Variants in PLBD1 observed in about 807,000 individuals in gnomAD.
PLBD1 encodes the protein lysosomal leucine aminopeptidase.
A neutral mutation model predicts 63.0 loss-of-function variants in PLBD1; 60 were observed. That is an observed-to-expected ratio of 0.95 (90% CI 0.77 to 1.18). PLBD1 has a LOEUF of 1.18. PLBD1 is among the 50% of genes most tolerant of loss of function. The probability of loss-of-function intolerance (pLI) is 0.00; values close to 1 mark genes in which losing one functional copy is unlikely to be tolerated. For synonymous variants in PLBD1, 262 were observed against 248.0 expected (o/e 1.06, Z -0.53); for missense variants, 598 against 677.9 (o/e 0.88, Z 1.31).
chr12:14,556,927 T>TGAGCC (rs1945710281), intron 1 of PLBD1, among the ~76,000 whole-genome samples: 1 of 138,224 alleles, frequency 7.2e-6, no homozygotes, highest in African/African-American at 2.7e-5. Context: ...GAGGTTGCAG[T>TGAGCC]GAGCCGAGAT....
chr12:14,554,651 C>G (rs1166872652), intron 1 of PLBD1, among the ~76,000 whole-genome samples: 1 of 152,000 alleles, frequency 6.6e-6, no homozygotes, highest in Non-Finnish European at 1.5e-5. Context: ...GCAGTCTGCT[C>G]TCCACCTCCA....
At chr12:14,563,746 A>G (rs1945760580) in intron 1 of PLBD1, among the ~76,000 whole-genome samples, 1 of 150,810 alleles carries the variant, frequency 6.6e-6, no homozygotes, top group Non-Finnish European at 1.5e-5. Context: ...CATATAGAGA[A>G]AATAACTGAC....
rs564085939 is a variant in PLBD1 at position 14,567,526 on chromosome 12, A to G, written c.115+56T>C. The G allele has an allele frequency of 5.5e-5, 78 of 1,429,484 alleles. No homozygotes were observed. In the African/African-American group the frequency reaches 9.7e-4, roughly 18 times the overall value. 88.6% of individuals were successfully genotyped at this position (1,429,484 alleles called of 1,614,324 possible). On this transcript the variant is annotated intron_variant, in intron 1 of 10. Transcript: ENST00000240617. ...CGGCCGGACGCGGGGCACGGGCGCT[A>G]ACAGGCTCCTAGGAGCCTCCCCGGG...
intron 6 of PLBD1, among the ~76,000 whole-genome samples, chr12:14,530,567 G>A (rs1945451646): frequency 6.6e-6 from 1 of 152,208 alleles, no homozygotes; most frequent in Non-Finnish European, 1.5e-5. Context: ...TTAAAGGTAT[G>A]TAAGACCTAA....
chr12:14,532,503 C>T (rs981542210), intron 6 of PLBD1, among the ~76,000 whole-genome samples: 1 of 152,068 alleles, frequency 6.6e-6, no homozygotes, highest in South Asian at 2.1e-4. Flanking sequence ...ATGAGAGTCA[C>T]CCCAGGTCAT....
At chr12:14,567,469 C>G in intron 1 of PLBD1, 113 bp downstream of exon 1, 1 of 1,352,838 alleles carries the variant, frequency 7.4e-7, no homozygotes, top group Admixed American at 3.9e-5. Flanking sequence ...TCTGAGTTCA[C>G]CCAGGAACCA....
At chr12:14,511,186 ATGTGC>A in intron 8 of PLBD1, 69 bp downstream of exon 8, 5 of 1,377,436 alleles carry the variant, frequency 3.6e-6, no homozygotes, top group Non-Finnish European at 4.9e-6. Context: ...CATTCACACA[ATGTGC>A]ATTCCCCTAC....
intron 8 of PLBD1, 96 bp downstream of exon 8, chr12:14,511,164 T>G: frequency 3.1e-5 from 17 of 540,848 alleles, no homozygotes; most frequent in Non-Finnish European, 5.2e-5. Context: ...CACCATACCC[T>G]CCCCCACCAC....
At chr12:14,549,751 C>A (rs1007919798) in intron 2 of PLBD1, among the ~76,000 whole-genome samples, 1 of 152,146 alleles carries the variant, frequency 6.6e-6, no homozygotes, top group Non-Finnish European at 1.5e-5. Context: ...TCACTGCAAC[C>A]TCCGCCTCCT....
At position 14,562,483 on chromosome 12, in the gene PLBD1, T is replaced by C. The variant is rs566101688; in HGVS notation, c.115+5099A>G. ...TCAAAAAAAAAAAAAAAAAAAAGACTGTAACTGAACATGATTATGTTATCT... is the reference window on the plus strand; with the variant it reads ...TCAAAAAAAAAAAAAAAAAAAAGACCGTAACTGAACATGATTATGTTATCT... On this transcript the variant is annotated intron_variant, in intron 1 of 10. Transcript: ENST00000240617. Among the ~76,000 whole-genome samples, 7 of 142,074 alleles carry C rather than the reference T, an allele frequency of 4.9e-5. No homozygotes were observed. In the South Asian group the frequency reaches 1.6e-3, roughly 32 times the overall value. 93.2% of individuals were successfully genotyped at this position (142,074 alleles called of 152,430 possible). A position where few individuals can be genotyped will look rare whatever the true frequency, so the allele number is the denominator to read the frequency against.
Position 14,506,155 on chromosome 12 carries a change from AT to A in PLBD1, c.1479+6del. 6.3e-7 allele frequency: 1 copy of A among 1,584,872 alleles called. No homozygotes were observed. The highest frequency in any genetic ancestry group is 8.6e-7 in the Non-Finnish European group (1 of 1,157,302). ...GGAATTAAATTCAAAAGCCAATAGC[AT>A]GTTACCTTTGTGTCATAACAACCTC... On this transcript the variant is annotated splice_donor_region_variant and intron_variant, in intron 10 of 10. Coordinates refer to ENST00000240617, the MANE Select transcript of PLBD1 (RefSeq NM_024829.6).
intron 6 of PLBD1, chr12:14,531,094 C>T (rs990688185): frequency 6.6e-6 from 1 of 152,104 alleles, no homozygotes; most frequent in Non-Finnish European, 1.5e-5. Flanking sequence ...AAAAATTCAT[C>T]AGTACATGTG....
intron 1 of PLBD1, among the ~76,000 whole-genome samples, chr12:14,566,717 T>C (rs974497128): frequency 6.6e-6 from 1 of 151,982 alleles, no homozygotes; most frequent in African/African-American, 2.4e-5. Context: ...GTGTTATCTT[T>C]ATGCGAATTA....
At chr12:14,550,367 A>C (rs180719017) in intron 2 of PLBD1, among the ~76,000 whole-genome samples, 8 of 152,376 alleles carry the variant, frequency 5.3e-5, no homozygotes, top group African/African-American at 1.9e-4. Context: ...AGATGCTCAA[A>C]GCCTGCATCA....
chr12:14,540,730 C>G (rs1049559038), intron 4 of PLBD1, 34 bp downstream of exon 4: 2 of 1,532,624 alleles, frequency 1.3e-6, no homozygotes, highest in African/African-American at 1.4e-5. Context: ...TTACCATACT[C>G]TATAAATTCT....
At chr12:14,545,023 C>T (rs1945606816) in intron 2 of PLBD1, among the ~76,000 whole-genome samples, 1 of 151,930 alleles carries the variant, frequency 6.6e-6, no homozygotes, top group Admixed American at 6.6e-5. Flanking sequence ...CTCTCTCCCT[C>T]TCTCCCTCCC....
At chr12:14,532,629 A>C (rs1278700111) in intron 6 of PLBD1, among the ~76,000 whole-genome samples, 2 of 152,138 alleles carry the variant, frequency 1.3e-5, no homozygotes, top group East Asian at 3.9e-4. Flanking sequence ...TGAGTCCCAG[A>C]GCTCCTTAGG....
chr12:14,523,358 T>A (rs924715079), intron 6 of PLBD1, among the ~76,000 whole-genome samples: 1 of 152,082 alleles, frequency 6.6e-6, no homozygotes, highest in Non-Finnish European at 1.5e-5. Flanking sequence ...GGAAAGATAT[T>A]CCATGTTTAC....
At position 14,567,673 on chromosome 12, in the gene PLBD1, C is replaced by A; in HGVS notation, c.24G>T (p.Gly8=). 6.8e-7 allele frequency: 1 copy of A among 1,473,320 alleles called. No individual in the cohort carries two copies. Among genetic ancestry groups the A allele is most frequent in the Admixed American group, 2.5e-5 (1 of 39,892 alleles). 91.3% of individuals were successfully genotyped at this position (1,473,320 alleles called of 1,614,324 possible). A position where few individuals can be genotyped will look rare whatever the true frequency, so the allele number is the denominator to read the frequency against. The change falls in exon 1 of 11, where the codon GGG becomes GGT. Residue 8 remains glycine (G), a synonymous_variant. Transcript: ENST00000240617. The part of the protein sequence containing the change: MTRGGPG[G]RPGLPQPPPL... ...GTGGCGGCTGTGGCAGCCCCGGGCG[C>A]CCGCCCGGACCGCCGCGGGTCATCG...
Sources: gnomAD v4.1 joint callset for allele counts (sites outside exome capture counted in the v4.1 genomes callset) on GRCh38, gnomAD v4.1.1 for gene constraint, MANE v1.5 for transcripts, NCBI Gene and HGNC (gene_info 2026-07-23, HGNC 2026-07-21) for gene names.